Variants in CD53 observed in about 807,000 individuals in gnomAD.
CD53 encodes the protein CD53 molecule.
In CD53, 20 loss-of-function variants were observed where a neutral mutation model predicts 27.3. The ratio of observed to expected loss-of-function variants is 0.73; its 90% CI spans 0.52 to 1.07. CD53 has a LOEUF of 1.07. Ranked by LOEUF, CD53 falls within the 50% of genes least tolerant of loss-of-function variation. CD53 has a pLI of 0.00. For synonymous variants in CD53, 106 were observed against 105.3 expected, an observed-to-expected ratio of 1.01 and a Z score of -0.04; for missense variants, 216 against 264.0, an observed-to-expected ratio of 0.82 and a Z score of 1.26.
At chr1:110,881,431 C>A (rs533908151) in intron 1 of CD53, among the ~76,000 whole-genome samples, 11 of 152,198 alleles carry the variant, frequency 7.2e-5, no homozygotes, top group Non-Finnish European at 1.3e-4. Context: ...AGGGTAACAA[C>A]AGTTCATTCT....
intron 6 of CD53, among the ~76,000 whole-genome samples, chr1:110,897,511 A>G (rs1557821998): frequency 1.3e-5 from 2 of 152,206 alleles, no homozygotes; most frequent in Non-Finnish European, 2.9e-5. Context: ...GAGTGTTCAA[A>G]GACAGTAGGA....
chr1:110,886,866 TA>T (rs1459233797), intron 1 of CD53, among the ~76,000 whole-genome samples: 32 of 84,558 alleles, frequency 3.8e-4, no homozygotes, highest in East Asian at 2.9e-3. Flanking sequence ...TATATATATA[TA>T]TATTTTTTTT....
rs1354686067 is a variant in CD53, at chr1:110,891,245, G to C, written c.-17-147G>C. 13 of 634,222 alleles carry C rather than the reference G, an allele frequency of 2.0e-5. No homozygotes were observed. The East Asian group carries it at 2.5e-4, about 12-fold the overall frequency. The allele number at this position is 634,222 out of a possible 1,614,324, so 39.3% of individuals were successfully genotyped here. A position where few individuals can be genotyped will look rare whatever the true frequency, so the allele number is the denominator to read the frequency against. On this transcript the variant is annotated intron_variant, in intron 1 of 7. Transcript: ENST00000271324. The stretch of plus-strand genomic sequence containing the variant: ...AGTTGGTATTTCAGTTTAGAACTAG[G>C]AAAGCGCAGAGTTTGGGGAAACTTT...
chr1:110,892,479 T>G lies in CD53; in HGVS notation c.198T>G (p.Val66=). 1 of 1,614,170 alleles carries G rather than the reference T, an allele frequency of 6.2e-7. No homozygotes were observed. Among genetic ancestry groups the G allele is most frequent in the Non-Finnish European group, 8.5e-7 (1 of 1,180,014 alleles). Residue 66 remains valine (V), a synonymous_variant, in exon 3 of 8, where the codon GTT becomes GTG. Transcript: ENST00000271324. ...TCGTGGGCTCTATTATCATGGTAGT[T>G]GCCTTCCTGGGCTGCATGGGCTCTA... ...FVIVGSIIMV[V]AFLGCMGSIK... is the part of the protein sequence containing the mutation.
intron 1 of CD53, among the ~76,000 whole-genome samples, chr1:110,876,274 A>T (rs1656127787): frequency 1.3e-5 from 2 of 152,166 alleles, no homozygotes; most frequent in Non-Finnish European, 2.9e-5. Context: ...TCTCTATGGC[A>T]TGCTCTTTCT....
intron 6 of CD53, among the ~76,000 whole-genome samples, chr1:110,897,235 C>CA (rs1480061118): frequency 6.6e-6 from 1 of 152,138 alleles, no homozygotes; most frequent in East Asian, 1.9e-4. Flanking sequence ...TTTGGACCTC[C>CA]AGAATAGGCT....
In CD53 at chr1:110,892,328, G is replaced by C; in HGVS notation, c.64-17G>C. On this transcript the variant is annotated splice_polypyrimidine_tract_variant and intron_variant, in intron 2 of 7. Transcript: ENST00000271324. The stretch of plus-strand genomic sequence containing the variant: ...ACCACATTTTGCTTCAGGATGTTGT[G>C]GGATTCTTCCTTTCAGATCTGTGGC... 1 of 1,606,532 alleles carries C rather than the reference G, an allele frequency of 6.2e-7. No individual in the cohort carries two copies. The highest frequency in any genetic ancestry group is 8.5e-7 in the Non-Finnish European group (1 of 1,173,052).
At chr1:110,885,413 C>T (rs201405966) in intron 1 of CD53, among the ~76,000 whole-genome samples, 1 of 152,180 alleles carries the variant, frequency 6.6e-6, no homozygotes, top group Non-Finnish European at 1.5e-5. Flanking sequence ...TGGCAGGCGC[C>T]TGTAGTCCTA....
intron 1 of CD53, among the ~76,000 whole-genome samples, chr1:110,883,765 C>A (rs1936944): frequency 1.3e-5 from 2 of 151,612 alleles, no homozygotes; most frequent in Admixed American, 6.6e-5. Context: ...TTGAGTGAGA[C>A]TTGGTAATTT....
chr1:110,895,251 C>T (rs924412495), intron 5 of CD53, among the ~76,000 whole-genome samples, 196 bp downstream of exon 5: 1 of 152,224 alleles, frequency 6.6e-6, no homozygotes, highest in Non-Finnish European at 1.5e-5. Flanking sequence ...TACATTCTCT[C>T]TTTCATCCTT....
chr1:110,894,672 T>C (rs1385704477), intron 4 of CD53, among the ~76,000 whole-genome samples: 1 of 152,208 alleles, frequency 6.6e-6, no homozygotes, highest in East Asian at 1.9e-4. Context: ...CAGGAGAGAA[T>C]GTCTGCCTCA....
At position 110,894,865 on chromosome 1, in the gene CD53, C is replaced by T. The variant is rs74123404; in HGVS notation, c.328-95C>T. 1,395 of 896,536 alleles carry T rather than the reference C, an allele frequency of 1.6e-3. 13 individuals carry two copies. In the African/African-American group the frequency reaches 0.02, roughly 13 times the overall value. The allele number at this position is 896,536 out of a possible 1,614,324, so 55.5% of individuals were successfully genotyped here. On this transcript the variant is annotated intron_variant, in intron 4 of 7. Transcript: ENST00000271324. ...CTGAGGAGACCATTTGGAAGGGAAG[C>T]GCAAGTGGAACCACTAACCTATACT...
At position 110,891,430 on chromosome 1, in the gene CD53, C is replaced by T. The variant is rs142461776; in HGVS notation, c.22C>T (p.Leu8=). Residue 8 remains leucine, a synonymous_variant, in exon 2 of 8, where the codon CTG becomes TTG. Coordinates refer to ENST00000271324, the MANE Select transcript of CD53 (RefSeq NM_000560.4). The part of the protein sequence containing the change: MGMSSLK[L]LKYVLFFFNL... ...CGGCATGGGCATGAGTAGCTTGAAA[C>T]TGCTGAAGTATGTCCTGTTTTTCTT... 16 of 1,613,802 alleles carry T rather than the reference C, an allele frequency of 9.9e-6. No homozygotes were observed. Among genetic ancestry groups the T allele is most frequent in the African/African-American group, 1.3e-5 (1 of 74,928 alleles).
chr1:110,875,322 G>A (rs1656080279), intron 1 of CD53, among the ~76,000 whole-genome samples: 1 of 152,134 alleles, frequency 6.6e-6, no homozygotes, highest in Non-Finnish European at 1.5e-5. Context: ...TCGCTCACCA[G>A]GCAGGTCCTA....
chr1:110,893,480 G>A (rs1656936950), intron 3 of CD53, among the ~76,000 whole-genome samples: 1 of 152,074 alleles, frequency 6.6e-6, no homozygotes, highest in African/African-American at 2.4e-5. Context: ...GCGCCACCAT[G>A]TCCGGCTAAT....
chr1:110,884,014 G>T (rs1013711589), intron 1 of CD53, among the ~76,000 whole-genome samples: 3 of 151,772 alleles, frequency 2.0e-5, no homozygotes, highest in African/African-American at 7.2e-5. Flanking sequence ...CTGTTTAATT[G>T]ATTTCAGTGC....
Position 110,899,119 on chromosome 1 carries a change from C to G in CD53, c.589-5C>G, listed in dbSNP as rs374567529. On this transcript the variant is annotated splice_region_variant and splice_polypyrimidine_tract_variant and intron_variant, in intron 7 of 7. Coordinates refer to ENST00000271324, the MANE Select transcript of CD53 (RefSeq NM_000560.4). ...GACTTCAAATTTTCCCAACTCTTTT[C>G]ACAGGTGTTGGGGATGTCCTTTGCA... 1 of 1,611,992 alleles carries G rather than the reference C, an allele frequency of 6.2e-7. No individual in the cohort carries two copies. Among genetic ancestry groups the G allele is most frequent in the Non-Finnish European group, 8.5e-7 (1 of 1,178,354 alleles).
In CD53 at chr1:110,894,326, GTTC is replaced by G; in HGVS notation, c.256_258del (p.Phe86del). On this transcript the variant is annotated inframe_deletion and splice_region_variant, in exon 4 of 8. Transcript: ENST00000271324. ...GTGAGAATGTATCTGCTTTGTCCCA[GTTC>G]TTCATCCTGCTGCTGATTATCCTCC... is the stretch of plus-strand genomic sequence containing the variant. 6.2e-7 allele frequency: 1 copy of G among 1,613,960 alleles called. No individual in the cohort carries two copies. Among genetic ancestry groups the G allele is most frequent in the Non-Finnish European group, 8.5e-7 (1 of 1,179,820 alleles).
chr1:110,884,166 CA>C (rs965015891), intron 1 of CD53, among the ~76,000 whole-genome samples: 2 of 152,008 alleles, frequency 1.3e-5, no homozygotes, highest in African/African-American at 4.8e-5. Flanking sequence ...AAATTCACCC[CA>C]AAATATTGCT....
Sources: allele counts gnomAD v4.1 joint callset (sites outside exome capture counted in the v4.1 genomes callset), GRCh38; gene constraint gnomAD v4.1.1; transcripts MANE v1.5; gene names NCBI Gene and HGNC (gene_info 2026-07-23, HGNC 2026-07-21).